UBR4: variants seen among roughly 807,000 people sequenced by gnomAD.
UBR4 encodes E3 ubiquitin-protein ligase UBR4.
A neutral mutation model predicts 575.6 loss-of-function variants in UBR4; 124 were observed. That is an observed-to-expected ratio of 0.22 (90% confidence interval 0.19 to 0.25). The LOEUF (loss-of-function observed/expected upper bound fraction) is 0.25. Ranked by LOEUF, UBR4 falls within the 10% of genes least tolerant of loss-of-function variation. The pLI is 1.00. For synonymous variants in UBR4, 2,455 were observed against 2,473.7 expected, an observed-to-expected ratio of 0.99 and a Z score of 0.22; for missense variants, 4,818 against 6,478.8, an observed-to-expected ratio of 0.74 and a Z score of 8.80.
intron 87 of UBR4, among the ~76,000 whole-genome samples, chr1:19,102,963 C>A (rs2078797371): frequency 6.6e-6 from 1 of 152,160 alleles, no homozygotes; most frequent in Non-Finnish European, 1.5e-5. Context: ...GCGGCTCAAA[C>A]CTCTCACTAC....
chr1:19,106,028 G>A lies in UBR4; in HGVS notation c.12394-186C>T, dbSNP rs118167375. Among the ~76,000 whole-genome samples the A allele has an allele frequency of 6.0e-3, 909 of 152,332 alleles. 39 individuals are homozygous for A. In the East Asian group the frequency reaches 0.081, roughly 14 times the overall value. On this transcript the variant is annotated intron_variant, in intron 83 of 105. Coordinates refer to ENST00000375254, the MANE Select transcript of UBR4 (RefSeq NM_020765.3). ...ACTGTTTTAGATGGGGAAAGGGGCT[G>A]TGAAAGAGCCCTGCTTCTGCCTGGA...
chr1:19,106,534 C>T (rs56851261), intron 83 of UBR4, 35 bp downstream of exon 83: 5 of 1,516,198 alleles, frequency 3.3e-6, no homozygotes, highest in South Asian at 2.7e-5. Flanking sequence ...GGGTCAGGGG[C>T]GCAGGGGGTG....
In UBR4 at chr1:19,138,071, C is replaced by A; in HGVS notation, c.8842G>T (p.Glu2948Ter). The A allele has an allele frequency of 6.3e-7, 1 of 1,597,964 alleles. No homozygotes were observed. Among genetic ancestry groups the A allele is most frequent in the Non-Finnish European group, 8.5e-7 (1 of 1,170,136 alleles). The change falls in exon 60 of 106, where the codon GAG (glutamate) becomes TAG (stop). Residue 2948 changes from glutamate (E) to a stop codon, truncating the protein, a stop_gained. Transcript: ENST00000375254. LOFTEE classifies it high-confidence loss of function. ...GAISTTTGHQ[E>*]GDGSEGEGEG... ...CCTTCTCCCTCGGAGCCATCTCCCT[C>A]CTGGTGCCCAGTGGTGGTGCTGATG...
intron 55 of UBR4, among the ~76,000 whole-genome samples, chr1:19,143,221 AGGAAGGAAGGAAGGC>A (rs1383788762): frequency 4.6e-4 from 49 of 105,652 alleles, no homozygotes; most frequent in Admixed American, 1.4e-3. Flanking sequence ...AAAGAAAGGA[AGGAAGGAAGGAAGGC>A]AGGAAGGAAG....
chr1:19,105,175 A>T lies in UBR4; in HGVS notation c.12518T>A (p.Leu4173Gln). 6.2e-7 allele frequency: 1 copy of T among 1,612,360 alleles called. No homozygotes were observed. The highest frequency in any genetic ancestry group is 8.5e-7 in the Non-Finnish European group (1 of 1,179,440). Residue 4173 changes from leucine (L) to glutamine (Q), a missense_variant, in exon 85 of 106, where the codon CTG (leucine) becomes CAG (glutamine). Around this residue, in one of 29 missense-constraint regions of UBR4, gnomAD observed 178 missense variants for 175.5 expected, o/e 1.01. Coordinates refer to ENST00000375254, the MANE Select transcript of UBR4 (RefSeq NM_020765.3). ...LDLLTSYLDE[L>Q]SIAGECAAEY... ...AGCTGCACACTCCCCAGCTATGCTC[A>T]GCTCATCCAGGTAACTGCCACCAAG...
chr1:19,091,600 G>A (rs1434642068), intron 97 of UBR4, among the ~76,000 whole-genome samples: 1 of 152,174 alleles, frequency 6.6e-6, no homozygotes, highest in African/African-American at 2.4e-5. Context: ...CTAGGAAAAC[G>A]CAGAACCACA....
chr1:19,124,905 G>A (rs2081558868), intron 64 of UBR4, among the ~76,000 whole-genome samples: 1 of 152,094 alleles, frequency 6.6e-6, no homozygotes, highest in African/African-American at 2.4e-5. Context: ...TACAGTGGAG[G>A]CAGACCTCAC....
rs767386918 is a variant in UBR4, at chr1:19,197,936, G to A, written c.751+11C>T. 6.2e-7 allele frequency: 1 copy of A among 1,613,998 alleles called. No individual in the cohort carries two copies. Among genetic ancestry groups the A allele is most frequent in the East Asian group, 2.2e-5 (1 of 44,886 alleles). On this transcript the variant is annotated intron_variant, in intron 6 of 105. Transcript: ENST00000375254. ...AGAAATCAGCTTTCTGATAACAGTTGGGAGTCTTACCAAGCTCTTGAAGAC... is the reference window on the plus strand; with the variant it reads ...AGAAATCAGCTTTCTGATAACAGTTAGGAGTCTTACCAAGCTCTTGAAGAC...
chr1:19,154,266 G>C (rs914014094), intron 44 of UBR4, among the ~76,000 whole-genome samples: 6 of 152,132 alleles, frequency 3.9e-5, no homozygotes, highest in African/African-American at 1.4e-4. Flanking sequence ...TGTCCTATCA[G>C]GATCTCCAAA....
chr1:19,095,980 G>A (rs2077998885), intron 92 of UBR4: 3 of 256,750 alleles, frequency 1.2e-5, no homozygotes, highest in South Asian at 5.7e-5. Flanking sequence ...TAATAGTAAA[G>A]AAAATGATCC....
chr1:19,157,681 G>A lies in UBR4; in HGVS notation c.5760+134C>T, dbSNP rs1028474809. Reference sequence around the variant, plus strand: ...GTATTTGAAAAGCTCAACAAGATCTGTCCCTGAAGCATTCTTAGAACGCAG... The same window carrying A: ...GTATTTGAAAAGCTCAACAAGATCTATCCCTGAAGCATTCTTAGAACGCAG... On this transcript the variant is annotated intron_variant, in intron 40 of 105. Coordinates refer to ENST00000375254, the MANE Select transcript of UBR4 (RefSeq NM_020765.3). This position sits in a 1 kb window ranked among gnomAD's most constrained non-coding sequence, Gnocchi z 4.4. 2.3e-5 allele frequency: 26 copies of A among 1,144,252 alleles called. No homozygotes were observed. The highest frequency in any genetic ancestry group is 2.8e-5 in the Non-Finnish European group (23 of 821,020). The allele number at this position is 1,144,252 out of a possible 1,614,324, so 70.9% of individuals were successfully genotyped here. A position where few individuals can be genotyped will look rare whatever the true frequency, so the allele number is the denominator to read the frequency against.
intron 102 of UBR4, among the ~76,000 whole-genome samples, chr1:19,083,538 A>G (rs954156794): frequency 1.6e-4 from 24 of 152,070 alleles, no homozygotes; most frequent in Middle Eastern, 3.2e-3. Flanking sequence ...TCAATCTCCT[A>G]ATTTTTTTTT....
intron 102 of UBR4, chr1:19,082,082 T>C (rs2076574208): frequency 2.6e-6 from 1 of 391,220 alleles, no homozygotes; most frequent in Admixed American, 4.1e-5. Flanking sequence ...AATGTGCATG[T>C]GGTTCCTTTC....
rs201157954 is a variant in UBR4, at chr1:19,087,822, C to T, written c.14538G>A (p.Lys4846=). The change falls in exon 99 of 106, where the codon AAG becomes AAA. Residue 4846 remains lysine (K), a synonymous_variant. Coordinates refer to ENST00000375254, the MANE Select transcript of UBR4 (RefSeq NM_020765.3). ...LTCCICREGY[K]FQPTKVLGIY... ...GTAGGCCCAGCAGCTGTACCTGGAA[C>T]TTGTATCCCTCCCTGCAGATGCAGC... is the stretch of plus-strand genomic sequence containing the variant. The T allele has an allele frequency of 2.4e-5, 38 of 1,609,466 alleles. No individual in the cohort carries two copies. In the East Asian group the frequency reaches 8.2e-4, roughly 35 times the overall value.
rs1025611496 is a variant in UBR4, at chr1:19,085,700, T to C, written c.14813+445A>G. On this transcript the variant is annotated intron_variant, in intron 101 of 105. Coordinates refer to ENST00000375254, the MANE Select transcript of UBR4 (RefSeq NM_020765.3). ...CTCACAGATGCTTTAGCTATTCTTA[T>C]CTGGGTTTTTAGGACCAGGAAGGCC... is the stretch of plus-strand genomic sequence containing the variant. 2.0e-5 allele frequency among the ~76,000 whole-genome samples: 3 copies of C among 152,176 alleles called. No homozygotes were observed. The East Asian group carries it at 5.8e-4, about 29-fold the overall frequency.
chr1:19,085,585 T>C (rs904272716), intron 101 of UBR4, among the ~76,000 whole-genome samples: 3 of 152,190 alleles, frequency 2.0e-5, no homozygotes, highest in Non-Finnish European at 4.4e-5. Context: ...CAGCTGCCTG[T>C]TTTATGACAG....
intron 63 of UBR4, among the ~76,000 whole-genome samples, chr1:19,127,118 T>C (rs1209346872): frequency 6.6e-6 from 1 of 152,118 alleles, no homozygotes; most frequent in African/African-American, 2.4e-5. Flanking sequence ...AGTGATCACA[T>C]GCATAAAAAA....
At chr1:19,169,633 CAGG>C in intron 26 of UBR4, 101 bp from the exon 27 acceptor site, 4 of 870,338 alleles carry the variant, frequency 4.6e-6, no homozygotes, top group Admixed American at 3.0e-5. Flanking sequence ...CAGTACAGCC[CAGG>C]CTGTCAAAAT....
chr1:19,177,619 G>C lies in UBR4; in HGVS notation c.2479C>G (p.Arg827Gly), dbSNP rs367704688. 1.6e-4 allele frequency: 253 copies of C among 1,613,894 alleles called. No homozygotes were observed. The highest frequency in any genetic ancestry group is 2.1e-4 in the Non-Finnish European group (244 of 1,179,994). The change falls in exon 19 of 106, where the codon CGG (arginine) becomes GGG (glycine). Residue 827 changes from arginine (R) to glycine (G), a missense_variant. By Grantham distance (125) the Arg-to-Gly change is moderately radical. Around this residue, in one of 29 missense-constraint regions of UBR4, gnomAD observed 1,172 missense variants for 1,259.7 expected, o/e 0.93. Transcript: ENST00000375254. The part of the protein sequence containing the change: ...IFHNFTETGR[R>G]AILSLFVQII... ...TGGACAAAAAGCGACAATATGGCCC[G>C]CCGGCCTGTCTCGGTGAAATTGTGG...
Sources: allele counts gnomAD v4.1 joint callset (sites outside exome capture counted in the v4.1 genomes callset), GRCh38; gene constraint gnomAD v4.1.1; regional missense constraint gnomAD v4.1.1; non-coding constraint Gnocchi (gnomAD v3.1); transcripts MANE v1.5; gene names NCBI Gene and HGNC (gene_info 2026-07-23, HGNC 2026-07-21).